Variants in CAPRIN2 observed in about 807,000 individuals in gnomAD.
CAPRIN2 encodes caprin family member 2.
CAPRIN2 carries 66 observed loss-of-function variants against 130.4 expected under a neutral mutation model. That is an observed-to-expected ratio of 0.51 (90% CI 0.42 to 0.62). CAPRIN2 has a LOEUF of 0.62. Among genes scored for constraint, CAPRIN2 ranks in the 20% least tolerant of loss-of-function variants. The pLI, the probability that CAPRIN2 is intolerant of heterozygous loss-of-function variation, is 0.00. For missense variants in CAPRIN2, 1,185 were observed against 1,246.6 expected, an observed-to-expected ratio of 0.95 and a Z score of 0.74; for synonymous variants, 471 against 444.1, an observed-to-expected ratio of 1.06 and a Z score of -0.76.
chr12:30,747,982 T>A (rs555555346), intron 2 of CAPRIN2, among the ~76,000 whole-genome samples: 1 of 152,314 alleles, frequency 6.6e-6, no homozygotes, highest in African/African-American at 2.4e-5. Context: ...CCTGAAGATA[T>A]GACTAACTGC....
At position 30,731,520 on chromosome 12, in the gene CAPRIN2, A is replaced by C. The variant is rs1238118363; in HGVS notation, c.893-10T>G. ...TCCTTCAAGTGTTTGTCTAAGAAAG[A>C]GTGATTAAGACTTAATTGTCACATG... is the stretch of plus-strand genomic sequence containing the variant. On this transcript the variant is annotated splice_polypyrimidine_tract_variant and intron_variant, in intron 5 of 16. Coordinates refer to ENST00000298892, the Ensembl canonical transcript of CAPRIN2. 6.2e-7 allele frequency: 1 copy of C among 1,606,690 alleles called. No individual in the cohort carries two copies. The highest frequency in any genetic ancestry group is 8.5e-7 in the Non-Finnish European group (1 of 1,175,890).
exon 3 of CAPRIN2, chr12:30,741,065 T>C (rs1339659921): frequency 6.2e-7 from 1 of 1,611,598 alleles, no homozygotes; most frequent in East Asian, 2.2e-5. Flanking sequence ...CCTTGGCAAA[T>C]TCCAAATTAT....
intron 2 of CAPRIN2, among the ~76,000 whole-genome samples, chr12:30,742,294 C>T (rs1292408709): frequency 6.6e-6 from 1 of 152,018 alleles, no homozygotes; most frequent in East Asian, 1.9e-4. Flanking sequence ...AGGTACAGAA[C>T]AATAGGAACT....
chr12:30,715,234 T>C lies in CAPRIN2; in HGVS notation c.2318-93A>G, dbSNP rs755186983. 5.9e-6 allele frequency: 6 copies of C among 1,010,512 alleles called. No homozygotes were observed. In the Admixed American group the frequency reaches 8.4e-5, roughly 14 times the overall value. The allele number at this position is 1,010,512 out of a possible 1,614,324, so 62.6% of individuals were successfully genotyped here. On this transcript the variant is annotated intron_variant, in intron 13 of 16. Transcript: ENST00000298892. ...TATATATCAAAATCATTAATACAATTTGCTGCCTTTAAAAATAAATAGGAG... is the reference window on the plus strand; with the variant it reads ...TATATATCAAAATCATTAATACAATCTGCTGCCTTTAAAAATAAATAGGAG...
chr12:30,735,075 T>C, exon 4 of CAPRIN2: 2 of 1,614,168 alleles, frequency 1.2e-6, no homozygotes, highest in Non-Finnish European at 1.7e-6. Flanking sequence ...CTTTGAAGTC[T>C]TTTTGTACGT....
chr12:30,730,243 T>C (rs1405019796), exon 7 of CAPRIN2: 19 of 1,610,260 alleles, frequency 1.2e-5, no homozygotes, highest in Non-Finnish European at 1.6e-5. Context: ...TCTTACCTCT[T>C]GTGGTTGTAT....
At chr12:30,729,537 CA>C (rs1392918306) in intron 7 of CAPRIN2, among the ~76,000 whole-genome samples, 3 of 152,184 alleles carry the variant, frequency 2.0e-5, no homozygotes, top group Non-Finnish European at 4.4e-5. Flanking sequence ...AACAGAAATA[CA>C]GACTTCGATA....
chr12:30,713,602 T>C (rs61923728), intron 15 of CAPRIN2, among the ~76,000 whole-genome samples, 183 bp downstream of exon 17: 28,632 of 152,156 alleles, frequency 0.19, 3,239 homozygotes, highest in East Asian at 0.3. Context: ...GCAATTATCA[T>C]TTATCTTTCT....
chr12:30,735,165 C>T, exon 4 of CAPRIN2: 4 of 1,614,162 alleles, frequency 2.5e-6, no homozygotes, highest in East Asian at 2.2e-5. Context: ...CAAGTTTTAG[C>T]ATGTGCTCCC....
intron 12 of CAPRIN2, chr12:30,720,367 A>C (rs1468304604): frequency 1.3e-5 from 2 of 155,846 alleles, no homozygotes; most frequent in African/African-American, 4.8e-5. Context: ...TGCAGGTGTG[A>C]GCCACTGCAT....
chr12:30,746,085 C>A (rs1265615089), intron 2 of CAPRIN2, among the ~76,000 whole-genome samples: 1 of 152,090 alleles, frequency 6.6e-6, no homozygotes, highest in African/African-American at 2.4e-5. Flanking sequence ...ATAATTCAAC[C>A]AAACTTTAAA....
chr12:30,743,534 ACATTT>A (rs1423667081), intron 2 of CAPRIN2, among the ~76,000 whole-genome samples: 1 of 152,140 alleles, frequency 6.6e-6, no homozygotes, highest in African/African-American at 2.4e-5. Context: ...TGCTCTACAG[ACATTT>A]CTTGTTTTTA....
At position 30,710,470 on chromosome 12, in the gene CAPRIN2, G is replaced by A. The variant is rs973720071; in HGVS notation, c.2666C>T (p.Ala889Val). The A allele has an allele frequency of 6.2e-7, 1 of 1,613,784 alleles. No individual in the cohort carries two copies. Among genetic ancestry groups the A allele is most frequent in the South Asian group, 1.1e-5 (1 of 91,082 alleles). ...CACCTGAGAAGAATCACTCCACCCT[G>A]CTGTTTTATTAGCAACAGTGAGTTT... Residue 889 changes from alanine to valine, a missense_variant and splice_region_variant, in exon 17 of 17, where the codon GCA becomes GTA. Ala to Val is a moderately conservative substitution (Grantham distance 64). Transcript: ENST00000298892. The surrounding 1 kb of genome is among the most constrained non-coding windows in gnomAD (Gnocchi z 4.8).
At chr12:30,740,195 G>A (rs566806407) in intron 3 of CAPRIN2, among the ~76,000 whole-genome samples, 42 of 152,194 alleles carry the variant, frequency 2.8e-4, no homozygotes, top group African/African-American at 9.9e-4. Context: ...CTTCAGCCCA[G>A]GATTATAAGC....
intron 2 of CAPRIN2, among the ~76,000 whole-genome samples, chr12:30,741,467 GGTGA>G (rs1284136649): frequency 2.6e-5 from 4 of 152,130 alleles, no homozygotes; most frequent in African/African-American, 9.6e-5. Context: ...CAAATAGCAC[GGTGA>G]GTATCAGAGA....
intron 7 of CAPRIN2, among the ~76,000 whole-genome samples, chr12:30,729,731 G>A (rs866204881): frequency 6.6e-6 from 1 of 152,164 alleles, no homozygotes; most frequent in Non-Finnish European, 1.5e-5. Flanking sequence ...AACCTTAAAC[G>A]TGACATTTCC....
At chr12:30,753,881 G>C in exon 1 of CAPRIN2, 1 of 961,798 alleles carries the variant, frequency 1.0e-6, no homozygotes, top group South Asian at 1.6e-5. Context: ...AGGAAGAACT[G>C]CAACGGCTTC....
In CAPRIN2 at chr12:30,746,350, T is replaced by C. The variant is rs540299031; in HGVS notation, c.483+4721A>G. Among the ~76,000 whole-genome samples the C allele has an allele frequency of 2.0e-5, 3 of 152,308 alleles. No homozygotes were observed. The East Asian group carries it at 5.8e-4, about 29-fold the overall frequency. The stretch of plus-strand genomic sequence containing the variant: ...AAGGCTACAGTGAGCTATGATATTG[T>C]GCTATTGCACTCCAGCCTGGTGAGA... On this transcript the variant is annotated intron_variant, in intron 2 of 16. Transcript: ENST00000298892.
intron 8 of CAPRIN2, among the ~76,000 whole-genome samples, chr12:30,726,487 T>A (rs972834020): frequency 6.6e-6 from 1 of 152,168 alleles, no homozygotes; most frequent in Non-Finnish European, 1.5e-5. Flanking sequence ...TTTTAAGATG[T>A]ATCTGATTTC....
Sources: gnomAD v4.1 joint callset for allele counts (sites outside exome capture counted in the v4.1 genomes callset) on GRCh38, gnomAD v4.1.1 for gene constraint, Gnocchi (gnomAD v3.1) non-coding constraint, MANE v1.5 for transcripts, NCBI Gene and HGNC (gene_info 2026-07-23, HGNC 2026-07-21) for gene names.